Variants in PARD3B observed in about 807,000 individuals in gnomAD.
The protein encoded by PARD3B is partitioning defective 3 homolog B.
PARD3B carries 103 observed loss-of-function variants against 130.2 expected under a neutral mutation model. That is an observed-to-expected ratio of 0.79 (90% confidence interval 0.67 to 0.93). The LOEUF (loss-of-function observed/expected upper bound fraction) is 0.93. PARD3B is among the 40% of genes least tolerant of loss of function. The pLI, the probability that PARD3B is intolerant of heterozygous loss-of-function variation, is 0.00. For missense variants in PARD3B, 1,609 were observed against 1,499.2 expected, an observed-to-expected ratio of 1.07 and a Z score of -1.21; for synonymous variants, 583 against 553.2, an observed-to-expected ratio of 1.05 and a Z score of -0.76.
Position 205,158,616 on chromosome 2 carries a change from C to G in PARD3B, c.1435-106C>G. 8.6e-7 allele frequency: 1 copy of G among 1,159,984 alleles called. No individual in the cohort carries two copies. The highest frequency in any genetic ancestry group is 1.2e-6 in the Non-Finnish European group (1 of 815,564). 71.9% of individuals were successfully genotyped at this position (1,159,984 alleles called of 1,614,324 possible). ...GGAGCCGATTACAGCTGTGAGAGGT[C>G]CAGTCATCCTGTCCTACTGATTGCA... On this transcript the variant is annotated intron_variant, in intron 10 of 22. Coordinates refer to ENST00000406610, the MANE Select transcript of PARD3B (RefSeq NM_001302769.2). This position sits in a 1 kb window ranked among gnomAD's most constrained non-coding sequence, Gnocchi z 5.4.
rs1696590039 is a variant in PARD3B, at chr2:205,021,469, G to T, written c.395-26112G>T. ...TGACTTCCCAACGGCTGCTCACACA[G>T]CCTCTGGAAGTGGTAACTTTGGAAG... On this transcript the variant is annotated intron_variant, in intron 3 of 22. Transcript: ENST00000406610. This position sits in a 1 kb window ranked among gnomAD's most constrained non-coding sequence, Gnocchi z 4.5. Among the ~76,000 whole-genome samples the T allele has an allele frequency of 6.6e-6, 1 of 152,084 alleles. No individual in the cohort carries two copies. Among genetic ancestry groups the T allele is most frequent in the Non-Finnish European group, 1.5e-5 (1 of 68,030 alleles).
chr2:204,870,525 G>A (rs1023315191), intron 2 of PARD3B, among the ~76,000 whole-genome samples: 9 of 152,122 alleles, frequency 5.9e-5, no homozygotes, highest in African/African-American at 2.2e-4. Flanking sequence ...AAAGATGGAG[G>A]AGAATGAAAT....
chr2:205,403,096 GA>G lies in PARD3B; in HGVS notation c.2741+1981del, dbSNP rs922545900. Among the ~76,000 whole-genome samples, 7 of 151,560 alleles carry G rather than the reference GA, an allele frequency of 4.6e-5. No individual in the cohort carries two copies. The East Asian group carries it at 7.8e-4, about 17-fold the overall frequency. ...GTATCACTCTTCATGATATGGCAAT[GA>G]AAAAAAATAGAATAGAGTAAGAAAT... is the stretch of plus-strand genomic sequence containing the variant. On this transcript the variant is annotated intron_variant, in intron 19 of 22. Coordinates refer to ENST00000406610, the MANE Select transcript of PARD3B (RefSeq NM_001302769.2).
chr2:205,437,715 G>A (rs1575020908), intron 19 of PARD3B, among the ~76,000 whole-genome samples: 1 of 152,256 alleles, frequency 6.6e-6, no homozygotes, highest in Admixed American at 6.5e-5. Flanking sequence ...TACCCAAGAG[G>A]TGTTATGGAG....
chr2:204,738,205 G>A (rs6730681), intron 2 of PARD3B, among the ~76,000 whole-genome samples: 30,260 of 151,986 alleles, frequency 0.2, 3,075 homozygotes, highest in African/African-American at 0.23. Context: ...TAATCCATGA[G>A]CATGGGATGC....
At chr2:205,504,473 A>G (rs188612891) in intron 21 of PARD3B, among the ~76,000 whole-genome samples, 63 of 151,752 alleles carry the variant, frequency 4.2e-4, no homozygotes, top group African/African-American at 1.3e-3. Context: ...AGAATGGGAG[A>G]AAATTTTTGC....
chr2:205,318,888 T>C (rs922399914), intron 18 of PARD3B, among the ~76,000 whole-genome samples: 1 of 152,182 alleles, frequency 6.6e-6, no homozygotes, highest in Non-Finnish European at 1.5e-5. Flanking sequence ...CTGATTCCTC[T>C]AGACTGGCAT....
chr2:204,897,994 G>T (rs565641335), intron 2 of PARD3B, among the ~76,000 whole-genome samples: 2 of 152,024 alleles, frequency 1.3e-5, no homozygotes, highest in Admixed American at 1.3e-4. Context: ...GACCAGTTTG[G>T]AATAATGAAA....
At chr2:205,278,687 G>A (rs1364381599) in intron 16 of PARD3B, among the ~76,000 whole-genome samples, 2 of 152,054 alleles carry the variant, frequency 1.3e-5, no homozygotes, top group African/African-American at 4.8e-5. Flanking sequence ...TTCCATAATA[G>A]AATGAAAAAT....
At chr2:205,611,126 C>T (rs1451467837) in intron 22 of PARD3B, among the ~76,000 whole-genome samples, 1 of 152,136 alleles carries the variant, frequency 6.6e-6, no homozygotes, top group Non-Finnish European at 1.5e-5. Flanking sequence ...GTGAGAATGA[C>T]CAGCTGTGGC....
At chr2:204,647,429 C>T (rs1454573000) in intron 1 of PARD3B, among the ~76,000 whole-genome samples, 10 of 151,168 alleles carry the variant, frequency 6.6e-5, no homozygotes, top group African/African-American at 1.7e-4. Context: ...CTAAATTTCT[C>T]AATTTTTTTG....
At chr2:204,853,629 G>A (rs1296292106) in intron 2 of PARD3B, among the ~76,000 whole-genome samples, 1 of 151,684 alleles carries the variant, frequency 6.6e-6, no homozygotes, top group East Asian at 1.9e-4. Context: ...CTAAATGAGT[G>A]ATGAACGAAC....
At chr2:204,654,750 T>G (rs1309853528) in intron 1 of PARD3B, among the ~76,000 whole-genome samples, 1 of 152,230 alleles carries the variant, frequency 6.6e-6, no homozygotes, top group Admixed American at 6.5e-5. Flanking sequence ...CTTTGGAGTT[T>G]TTATTTTGAA....
intron 22 of PARD3B, among the ~76,000 whole-genome samples, chr2:205,574,716 A>G (rs1314777866): frequency 6.6e-6 from 1 of 152,134 alleles, no homozygotes; most frequent in African/African-American, 2.4e-5. Flanking sequence ...TCACAGTTAA[A>G]GAGTTCAAAA....
chr2:205,188,633 G>A (rs1454466491), intron 14 of PARD3B, among the ~76,000 whole-genome samples: 2 of 152,050 alleles, frequency 1.3e-5, no homozygotes, highest in African/African-American at 2.4e-5. Context: ...CCCCTCCTAG[G>A]ATCGTGTGAC....
At chr2:205,155,363 C>T (rs2034048968) in intron 10 of PARD3B, among the ~76,000 whole-genome samples, 1 of 152,078 alleles carries the variant, frequency 6.6e-6, no homozygotes, top group African/African-American at 2.4e-5. Context: ...TATGCCTGCT[C>T]CAAAATATAC....
At chr2:205,256,926 A>G (rs542131823) in intron 16 of PARD3B, among the ~76,000 whole-genome samples, 2 of 152,300 alleles carry the variant, frequency 1.3e-5, no homozygotes, top group South Asian at 4.1e-4. Flanking sequence ...GGAAAAGAAA[A>G]AAGCCATAAG....
At chr2:205,042,874 T>C (rs1225578032) in intron 3 of PARD3B, among the ~76,000 whole-genome samples, 2 of 143,598 alleles carry the variant, frequency 1.4e-5, no homozygotes, top group East Asian at 2.1e-4. Context: ...TATTTAACTG[T>C]GTGAAAAAAA....
At chr2:205,171,716 A>G (rs2035183464) in intron 11 of PARD3B, among the ~76,000 whole-genome samples, 2 of 152,032 alleles carry the variant, frequency 1.3e-5, no homozygotes, top group African/African-American at 4.8e-5. Context: ...TTTTTTTAGT[A>G]CTGTTCAGTA....
Sources: gnomAD v4.1 joint callset for allele counts (sites outside exome capture counted in the v4.1 genomes callset) on GRCh38, gnomAD v4.1.1 for gene constraint, Gnocchi (gnomAD v3.1) non-coding constraint, MANE v1.5 for transcripts, NCBI Gene and HGNC (gene_info 2026-07-23, HGNC 2026-07-21) for gene names.